The following ASIC2 variants were observed in gnomAD, a reference collection of about 807,000 sequenced individuals.
The protein encoded by ASIC2 is acid sensing ion channel subunit 2, also known as acid-sensing ion channel 2.
In ASIC2, 25 loss-of-function variants were observed where a neutral mutation model predicts 57.3. The observed-to-expected ratio is 0.44, with a 90% confidence interval of 0.32 to 0.61. ASIC2 has a LOEUF of 0.61. Ranked by LOEUF, ASIC2 falls within the 20% of genes least tolerant of loss-of-function variation. ASIC2 has a pLI of 0.06. For missense variants in ASIC2, 641 were observed against 738.1 expected, an observed-to-expected ratio of 0.87 and a Z score of 1.52; for synonymous variants, 319 against 307.5, an observed-to-expected ratio of 1.04 and a Z score of -0.39.
chr17:33,356,513 A>C (rs1487006306), intron 1 of ASIC2, among the ~76,000 whole-genome samples: 1 of 152,166 alleles, frequency 6.6e-6, no homozygotes, highest in East Asian at 1.9e-4. Context: ...TGCAATCTGC[A>C]TTCCTAGGCT....
intron 1 of ASIC2, among the ~76,000 whole-genome samples, chr17:33,454,798 G>A (rs1292287112): frequency 2.0e-5 from 3 of 152,206 alleles, no homozygotes; most frequent in Non-Finnish European, 4.4e-5. Flanking sequence ...ATGGCTCTGT[G>A]TTATTGTTTC....
intron 1 of ASIC2, among the ~76,000 whole-genome samples, chr17:33,836,748 G>A (rs566863777): frequency 6.6e-6 from 1 of 152,074 alleles, no homozygotes. Flanking sequence ...AGCTACTCAG[G>A]AGGCTGAGGC....
intron 1 of ASIC2, among the ~76,000 whole-genome samples, chr17:33,414,764 G>T (rs1910780681): frequency 2.0e-5 from 3 of 152,148 alleles, no homozygotes; most frequent in Admixed American, 1.3e-4. Flanking sequence ...TTCTGTCACT[G>T]AAATCACATT....
intron 1 of ASIC2, among the ~76,000 whole-genome samples, chr17:33,121,259 T>C (rs1475065461): frequency 6.6e-6 from 1 of 152,168 alleles, no homozygotes; most frequent in African/African-American, 2.4e-5. Flanking sequence ...TTAGTGAGCA[T>C]CTCTAGAACA....
At chr17:33,160,266 G>T (rs1378073540) in intron 1 of ASIC2, among the ~76,000 whole-genome samples, 1 of 151,868 alleles carries the variant, frequency 6.6e-6, no homozygotes, top group African/African-American at 2.4e-5. Flanking sequence ...AATGATTATT[G>T]TTAATATTTT....
intron 1 of ASIC2, among the ~76,000 whole-genome samples, chr17:33,970,194 C>T (rs186008270): frequency 6.6e-6 from 1 of 152,284 alleles, no homozygotes; most frequent in African/African-American, 2.4e-5. Context: ...CCAGTAGCAC[C>T]TTTCATTATG....
chr17:33,948,776 C>A (rs950770518), intron 1 of ASIC2, among the ~76,000 whole-genome samples: 6 of 152,062 alleles, frequency 3.9e-5, no homozygotes, highest in East Asian at 1.9e-4. Flanking sequence ...GAGGATTAGA[C>A]AAAGCAAGAG....
chr17:33,985,908 G>T (rs1905802484), intron 1 of ASIC2, among the ~76,000 whole-genome samples: 1 of 152,134 alleles, frequency 6.6e-6, no homozygotes, highest in African/African-American at 2.4e-5. Context: ...AGGGCCTTTG[G>T]CCTGGGTCTT....
At chr17:33,126,700 C>A (rs528769073) in intron 1 of ASIC2, among the ~76,000 whole-genome samples, 2 of 151,780 alleles carry the variant, frequency 1.3e-5, no homozygotes, top group African/African-American at 4.8e-5. Context: ...GCAGGAGAAT[C>A]GCTTGAACCG....
intron 1 of ASIC2, among the ~76,000 whole-genome samples, chr17:34,036,193 T>C (rs544828084): frequency 4.0e-5 from 6 of 151,772 alleles, no homozygotes; most frequent in East Asian, 1.9e-4. Context: ...TATGCAGCCA[T>C]AAAAAATGAT....
chr17:33,774,603 C>G (rs1271403226), intron 1 of ASIC2, among the ~76,000 whole-genome samples: 1 of 152,192 alleles, frequency 6.6e-6, no homozygotes, highest in Non-Finnish European at 1.5e-5. Flanking sequence ...AAAACATTTT[C>G]CAGAAATTCC....
In ASIC2 at chr17:33,130,219, A is replaced by G. The variant is rs144565410; in HGVS notation, c.709-18152T>C. ...GTAAGGTTTGTGCAGGTCAATGTAC[A>G]TGAATTTTTGCAACAACAAAAAAGC... On this transcript the variant is annotated intron_variant, in intron 1 of 9. Transcript: ENST00000225823. Among the ~76,000 whole-genome samples the G allele has an allele frequency of 5.1e-3, 774 of 152,270 alleles. 4 individuals are homozygous for G. The highest frequency in any genetic ancestry group is 0.017 in the African/African-American group (726 of 41,544).
At position 33,112,079 on chromosome 17, in the gene ASIC2, A is replaced by G. The variant is rs745590349; in HGVS notation, c.709-12T>C. 1.3e-5 allele frequency: 20 copies of G among 1,584,694 alleles called. No homozygotes were observed. The highest frequency in any genetic ancestry group is 1.6e-5 in the Non-Finnish European group (19 of 1,161,386). Reference sequence around the variant, plus strand: ...TATTTTGTAAACACCTGAAGGAGAGAAGAGAGAGAGAGAGAGAAGCACATG... The same window carrying G: ...TATTTTGTAAACACCTGAAGGAGAGGAGAGAGAGAGAGAGAGAAGCACATG... On this transcript the variant is annotated splice_polypyrimidine_tract_variant and intron_variant, in intron 1 of 9. Coordinates refer to ENST00000225823, the MANE Select transcript of ASIC2 (RefSeq NM_183377.2).
rs573807495 is a variant in ASIC2 at position 33,230,902 on chromosome 17, G to A, written c.708+60506C>T. On this transcript the variant is annotated intron_variant, in intron 1 of 9. Transcript: ENST00000225823. Reference sequence around the variant, plus strand: ...ATACGTTCTATATGGTTTCAATATAGGCGTCTTTAAAAAATTATTGATTTA... The same window carrying A: ...ATACGTTCTATATGGTTTCAATATAAGCGTCTTTAAAAAATTATTGATTTA... Among the ~76,000 whole-genome samples, 3 of 152,286 alleles carry A rather than the reference G, an allele frequency of 2.0e-5. No individual in the cohort carries two copies. The South Asian group carries it at 6.2e-4, about 32-fold the overall frequency.
intron 1 of ASIC2, among the ~76,000 whole-genome samples, chr17:33,152,842 T>G (rs576318819): frequency 6.6e-6 from 1 of 152,368 alleles, no homozygotes; most frequent in African/African-American, 2.4e-5. Flanking sequence ...GGTATTTATT[T>G]TTTTAACTTT....
intron 1 of ASIC2, among the ~76,000 whole-genome samples, chr17:33,593,315 C>A (rs1904881831): frequency 6.6e-6 from 1 of 152,132 alleles, no homozygotes; most frequent in South Asian, 2.1e-4. Context: ...GAGCGAGATG[C>A]CTGTTCACTG....
chr17:33,677,963 G>A (rs960806770), intron 1 of ASIC2, among the ~76,000 whole-genome samples: 4 of 152,162 alleles, frequency 2.6e-5, no homozygotes, highest in African/African-American at 9.7e-5. Flanking sequence ...AAATGCTACC[G>A]AACAGAATTG....
At chr17:33,251,237 A>G (rs1324444297) in intron 1 of ASIC2, among the ~76,000 whole-genome samples, 2 of 152,244 alleles carry the variant, frequency 1.3e-5, no homozygotes, top group African/African-American at 4.8e-5. Context: ...CTAGGTTACC[A>G]CAAAATTAAG....
chr17:33,428,803 C>T (rs920405708), intron 1 of ASIC2, among the ~76,000 whole-genome samples: 6 of 152,170 alleles, frequency 3.9e-5, no homozygotes, highest in Non-Finnish European at 5.9e-5. Flanking sequence ...AGACCACGTT[C>T]CTGTCTCTGA....
Sources: gnomAD v4.1 joint callset for allele counts (sites outside exome capture counted in the v4.1 genomes callset) on GRCh38, gnomAD v4.1.1 for gene constraint, MANE v1.5 for transcripts, NCBI Gene and HGNC (gene_info 2026-07-23, HGNC 2026-07-21) for gene names.